Variants in ZDHHC11 observed in about 807,000 individuals in gnomAD.
ZDHHC11 encodes the protein palmitoyltransferase ZDHHC11.
ZDHHC11 carries 44 observed loss-of-function variants against 51.3 expected under a neutral mutation model. The observed-to-expected ratio is 0.86, with a 90% CI of 0.67 to 1.10. ZDHHC11 has a LOEUF of 1.10. Among genes scored for constraint, ZDHHC11 ranks in the 50% least tolerant of loss-of-function variants. The pLI is 0.00. For missense variants in ZDHHC11, 400 were observed against 537.7 expected (o/e 0.74, Z 2.53); for synonymous variants, 163 against 222.0 (o/e 0.73, Z 2.36).
At chr5:823,952 C>G (rs1230495145) in intron 8 of ZDHHC11, 6 of 425,050 alleles carry the variant, frequency 1.4e-5, no homozygotes, top group Non-Finnish European at 2.9e-5. Flanking sequence ...GAGTGTGTCT[C>G]CAAATCTTTG....
rs150600852 is a variant in ZDHHC11 at position 831,247 on chromosome 5, G to A, written c.935+2526C>T. 2.9e-3 allele frequency among the ~76,000 whole-genome samples: 441 copies of A among 149,644 alleles called. 30 individuals carry two copies. Among genetic ancestry groups the A allele is most frequent in the Admixed American group, 6.7e-3 (99 of 14,714 alleles). On this transcript the variant is annotated intron_variant, in intron 7 of 12. Transcript: ENST00000283441. The stretch of plus-strand genomic sequence containing the variant: ...AATCTGTACATCTGACAAAGGACTA[G>A]TATCCAGAATCTAAAAGGAACTCAA...
chr5:846,235 T>TGGCAGGGA (rs1186205416), intron 3 of ZDHHC11, among the ~76,000 whole-genome samples: 1 of 151,134 alleles, frequency 6.6e-6, no homozygotes, highest in African/African-American at 2.4e-5. Flanking sequence ...CCAGACGGGA[T>TGGCAGGGA]GGCAGGGAGG....
At chr5:834,681 G>A (rs1446620030) in intron 6 of ZDHHC11, among the ~76,000 whole-genome samples, 2 of 152,296 alleles carry the variant, frequency 1.3e-5, no homozygotes, top group African/African-American at 4.8e-5. Flanking sequence ...CAGATACTGT[G>A]TTTTTTCACA....
chr5:799,181 G>C (rs1235318849), intron 12 of ZDHHC11, among the ~76,000 whole-genome samples: 1 of 151,668 alleles, frequency 6.6e-6, no homozygotes, highest in African/African-American at 2.4e-5. Flanking sequence ...TCTGAAGGGA[G>C]TGAGTTCATG....
chr5:852,094 C>T (rs182062132), upstream of ZDHHC11, among the ~76,000 whole-genome samples: 168 of 151,544 alleles, frequency 1.1e-3, no homozygotes, highest in Non-Finnish European at 1.9e-3. Context: ...TCAAAGTTAC[C>T]AAGGAAGGAA....
rs192962167 is a variant in ZDHHC11, at chr5:801,084, C to T, written c.*7+16G>A. Reference sequence around the variant, plus strand: ...TGGGTAGATTTCAACATGACCCGCACTGCCACGTATCTTACCTGAATCTCA... The same window carrying T: ...TGGGTAGATTTCAACATGACCCGCATTGCCACGTATCTTACCTGAATCTCA... On this transcript the variant is annotated intron_variant, in intron 12 of 12. Coordinates refer to ENST00000283441, the MANE Select transcript of ZDHHC11 (RefSeq NM_024786.3). The T allele has an allele frequency of 6.2e-7, 1 of 1,609,766 alleles. No individual in the cohort carries two copies. The highest frequency in any genetic ancestry group is 2.2e-5 in the East Asian group (1 of 44,882).
intron 11 of ZDHHC11, among the ~76,000 whole-genome samples, chr5:810,398 C>G (rs1579572083): frequency 7.1e-6 from 1 of 141,630 alleles, no homozygotes; most frequent in African/African-American, 2.5e-5. Flanking sequence ...CCACAGCAAA[C>G]ACGCAGACCA....
intron 10 of ZDHHC11, chr5:816,556 C>G: frequency 1.7e-6 from 1 of 588,712 alleles, no homozygotes; most frequent in South Asian, 1.4e-5. Flanking sequence ...TGGAAAAATA[C>G]AAATACGTGG....
chr5:799,312 AC>A (rs1738076164), intron 12 of ZDHHC11, among the ~76,000 whole-genome samples: 1 of 150,994 alleles, frequency 6.6e-6, no homozygotes. Context: ...AGCTCCCTTC[AC>A]CTTCTGCTGT....
upstream of ZDHHC11, among the ~76,000 whole-genome samples, chr5:851,259 G>T (rs1212330148): frequency 6.6e-6 from 1 of 152,198 alleles, no homozygotes; most frequent in East Asian, 1.9e-4. Context: ...CAGCCACGCG[G>T]GGCTGGGGTC....
intron 11 of ZDHHC11, among the ~76,000 whole-genome samples, chr5:802,874 A>AAAAAAG (rs1738665537): frequency 1.0e-5 from 1 of 96,326 alleles, no homozygotes; most frequent in Non-Finnish European, 2.1e-5. Flanking sequence ...AAAAAAAAAA[A>AAAAAAG]GCTAAATGTG....
intron 6 of ZDHHC11, among the ~76,000 whole-genome samples, chr5:835,783 G>A (rs1161447924): frequency 2.6e-5 from 4 of 151,888 alleles, no homozygotes; most frequent in African/African-American, 7.2e-5. Context: ...CAGTCATGGT[G>A]TGTAGCTTTC....
intron 12 of ZDHHC11, among the ~76,000 whole-genome samples, chr5:799,152 A>C: frequency 6.6e-6 from 1 of 151,692 alleles, no homozygotes. Flanking sequence ...ACCCCCTATG[A>C]ACAGATTAAT....
intron 8 of ZDHHC11, chr5:823,986 G>A (rs942053600): frequency 8.9e-6 from 4 of 448,898 alleles, no homozygotes; most frequent in African/African-American, 4.0e-5. Flanking sequence ...CAAGGGGCAA[G>A]GCTTGGACAC....
intron 3 of ZDHHC11, among the ~76,000 whole-genome samples, chr5:844,041 G>A (rs1317366547): frequency 9.3e-5 from 14 of 150,574 alleles, no homozygotes; most frequent in African/African-American, 3.2e-4. Flanking sequence ...GGGGCGCAGG[G>A]GTGGGGACGC....
intron 12 of ZDHHC11, among the ~76,000 whole-genome samples, chr5:799,503 G>C (rs1252413345): frequency 1.3e-5 from 2 of 151,586 alleles, no homozygotes; most frequent in Non-Finnish European, 2.9e-5. Flanking sequence ...AGTCACTGTT[G>C]CTCACGGAAG....
intron 6 of ZDHHC11, among the ~76,000 whole-genome samples, chr5:835,681 G>A (rs1480765446): frequency 2.6e-5 from 4 of 152,024 alleles, no homozygotes; most frequent in Middle Eastern, 3.2e-3. Context: ...CTGTAGATAA[G>A]TTTTGGGGAA....
At chr5:799,170 C>T (rs1738048242) in intron 12 of ZDHHC11, among the ~76,000 whole-genome samples, 1 of 151,780 alleles carries the variant, frequency 6.6e-6, no homozygotes, top group Admixed American at 6.6e-5. Flanking sequence ...AATGCCCTCC[C>T]TCTGAAGGGA....
At chr5:848,904 C>CCCAGCCCTGCACAG (rs561034712) in intron 1 of ZDHHC11, among the ~76,000 whole-genome samples, 8 of 151,036 alleles carry the variant, frequency 5.3e-5, no homozygotes, top group Non-Finnish European at 1.2e-4. Context: ...GGCCTGCACA[C>CCCAGCCCTGCACAG]CCAGCCCTGC....
Sources: gnomAD v4.1 joint callset for allele counts (sites outside exome capture counted in the v4.1 genomes callset) on GRCh38, gnomAD v4.1.1 for gene constraint, MANE v1.5 for transcripts, NCBI Gene and HGNC (gene_info 2026-07-23, HGNC 2026-07-21) for gene names.